ORC2: variants seen among roughly 807,000 people sequenced by gnomAD.
ORC2 encodes the protein origin recognition complex protein 2 homolog.
A neutral mutation model predicts 77.7 loss-of-function variants in ORC2; 37 were observed. The ratio of observed to expected loss-of-function variants is 0.48; its 90% CI spans 0.37 to 0.63. The LOEUF (loss-of-function observed/expected upper bound fraction) is 0.63, where lower values mean the gene tolerates loss of function less well. ORC2 is among the 20% of genes least tolerant of loss of function. The pLI is 0.00. For synonymous variants in ORC2, 201 were observed against 229.5 expected, an observed-to-expected ratio of 0.88 and a Z score of 1.12; for missense variants, 557 against 661.9, an observed-to-expected ratio of 0.84 and a Z score of 1.74.
chr2:200,957,417 C>T lies in ORC2; in HGVS notation c.222G>A (p.Met74Ile). Residue 74 changes from methionine (M) to isoleucine (I), a missense_variant, in exon 4 of 18, where the codon ATG (methionine) becomes ATA (isoleucine). By Grantham distance (10) the Met-to-Ile change is conservative. Coordinates refer to ENST00000234296, the MANE Select transcript of ORC2 (RefSeq NM_006190.5). ...CTCAAATACCTTGAACATCTCTTCC[C>T]ATAATTTCCACATAGTTCTGATCTT... Reference protein sequence around the residue: ...VLKDQNYVEIMGRDVQESLKN... With the variant: ...VLKDQNYVEIIGRDVQESLKN... 1 of 1,594,870 alleles carries T rather than the reference C, an allele frequency of 6.3e-7. No homozygotes were observed. Among genetic ancestry groups the T allele is most frequent in the Non-Finnish European group, 8.5e-7 (1 of 1,171,730 alleles).
Position 200,910,973 on chromosome 2 carries a change from A to C in ORC2, c.*328T>G, listed in dbSNP as rs1022547182. 3 of 187,948 alleles carry C rather than the reference A, an allele frequency of 1.6e-5. No homozygotes were observed. Among genetic ancestry groups the C allele is most frequent in the Middle Eastern group, 2.3e-3 (1 of 426 alleles). The allele number at this position is 187,948 out of a possible 1,614,324, so 11.6% of individuals were successfully genotyped here. On this transcript the variant is annotated 3_prime_UTR_variant, in exon 18 of 18. Coordinates refer to ENST00000234296, the MANE Select transcript of ORC2 (RefSeq NM_006190.5). ...GGGAGTGTTAAAAGGCCCTCAAAAA[A>C]TTCAGAATATCTCTAAGTATAAAAT...
At chr2:200,937,683 TC>T (rs756534336) in intron 8 of ORC2, among the ~76,000 whole-genome samples, 3 of 152,180 alleles carry the variant, frequency 2.0e-5, no homozygotes, top group Non-Finnish European at 4.4e-5. Flanking sequence ...TTCCAAACTG[TC>T]TCAAAACAAT....
chr2:200,923,538 C>T (rs999059895), intron 13 of ORC2, among the ~76,000 whole-genome samples: 3 of 152,104 alleles, frequency 2.0e-5, no homozygotes, highest in Admixed American at 6.6e-5. Flanking sequence ...GTGTGAGCCA[C>T]CGCATCCGGC....
intron 4 of ORC2, among the ~76,000 whole-genome samples, chr2:200,950,690 TAA>T (rs1031834516): frequency 6.6e-6 from 1 of 152,192 alleles, no homozygotes; most frequent in Non-Finnish European, 1.5e-5. Context: ...CCCTCCTCAT[TAA>T]GTTATTGAAA....
At chr2:200,935,915 T>C (rs746769024) in intron 8 of ORC2, 23 bp from the exon 9 acceptor site, 1 of 1,601,948 alleles carries the variant, frequency 6.2e-7, no homozygotes, top group East Asian at 2.3e-5. Context: ...AAATAGCAAT[T>C]TGGACAATTT....
chr2:200,949,188 C>A (rs572081741), intron 5 of ORC2, among the ~76,000 whole-genome samples: 54 of 151,486 alleles, frequency 3.6e-4, no homozygotes, highest in African/African-American at 1.3e-3. Flanking sequence ...TTGCAGTGAG[C>A]CGAGATTGCA....
intron 17 of ORC2, among the ~76,000 whole-genome samples, chr2:200,912,970 A>C (rs530816708): frequency 6.6e-6 from 1 of 152,238 alleles, no homozygotes; most frequent in African/African-American, 2.4e-5. Flanking sequence ...TGCAATATCT[A>C]TGTAGTTAGT....
intron 17 of ORC2, among the ~76,000 whole-genome samples, chr2:200,912,278 G>A (rs1420436820): frequency 6.6e-6 from 1 of 151,990 alleles, no homozygotes; most frequent in African/African-American, 2.4e-5. Context: ...CTTTCCTCTG[G>A]TTTCTTGTCC....
intron 15 of ORC2, among the ~76,000 whole-genome samples, chr2:200,919,807 C>G (rs1415217217): frequency 6.6e-6 from 1 of 152,166 alleles, no homozygotes; most frequent in African/African-American, 2.4e-5. Flanking sequence ...GCTGGCATAT[C>G]TGGATCAAAG....
chr2:200,948,424 A>T (rs545860676), intron 5 of ORC2, among the ~76,000 whole-genome samples: 4 of 152,372 alleles, frequency 2.6e-5, no homozygotes, highest in African/African-American at 9.6e-5. Context: ...TCTGAAAATC[A>T]GCAACTGAAG....
At chr2:200,932,497 G>A (rs1325958148) in intron 10 of ORC2, among the ~76,000 whole-genome samples, 2 of 151,892 alleles carry the variant, frequency 1.3e-5, no homozygotes, top group South Asian at 2.1e-4. Flanking sequence ...GTGCCACCAC[G>A]CCTGGCTAAT....
intron 4 of ORC2, among the ~76,000 whole-genome samples, chr2:200,951,706 CTG>C (rs2041360299): frequency 6.6e-6 from 1 of 152,176 alleles, no homozygotes; most frequent in South Asian, 2.1e-4. Flanking sequence ...CATATGGTAT[CTG>C]TTCAAATACC....
intron 16 of ORC2, chr2:200,913,712 T>C: frequency 7.4e-7 from 1 of 1,358,486 alleles, no homozygotes; most frequent in South Asian, 2.1e-5. Context: ...ATTTTAAAAG[T>C]AAGCTGGGTT....
At chr2:200,958,949 C>T (rs569998007) in intron 2 of ORC2, among the ~76,000 whole-genome samples, 2 of 152,314 alleles carry the variant, frequency 1.3e-5, no homozygotes, top group African/African-American at 4.8e-5. Context: ...TTTCTTTTCT[C>T]TTCTCTCTTT....
At chr2:200,956,214 C>T (rs959697618) in intron 4 of ORC2, among the ~76,000 whole-genome samples, 9 of 151,520 alleles carry the variant, frequency 5.9e-5, no homozygotes, top group African/African-American at 1.7e-4. Context: ...TACAGGCACA[C>T]GCCACCATGC....
intron 2 of ORC2, among the ~76,000 whole-genome samples, chr2:200,958,970 T>C (rs1275965703): frequency 1.3e-5 from 2 of 152,236 alleles, no homozygotes; most frequent in Non-Finnish European, 2.9e-5. Flanking sequence ...CTTACAATCT[T>C]GTTTTCACCT....
Position 200,920,154 on chromosome 2 carries a change from T to C in ORC2, c.1466+68A>G, listed in dbSNP as rs1457374616. On this transcript the variant is annotated intron_variant, in intron 15 of 17. Coordinates refer to ENST00000234296, the MANE Select transcript of ORC2 (RefSeq NM_006190.5). Reference sequence around the variant, plus strand: ...CTAACTAGGGACTTCAGTATCCCCATTAAAACCTAGTAGTACATATCTTAA... The same window carrying C: ...CTAACTAGGGACTTCAGTATCCCCACTAAAACCTAGTAGTACATATCTTAA... 5 of 1,239,860 alleles carry C rather than the reference T, an allele frequency of 4.0e-6. 1 individual carries two copies. The East Asian group carries it at 7.4e-5, about 18-fold the overall frequency. 76.8% of individuals were successfully genotyped at this position (1,239,860 alleles called of 1,614,324 possible). A position where few individuals can be genotyped will look rare whatever the true frequency, so the allele number is the denominator to read the frequency against.
At chr2:200,935,619 G>T in intron 9 of ORC2, 80 bp downstream of exon 9, 1 of 928,248 alleles carries the variant, frequency 1.1e-6, no homozygotes, top group Non-Finnish European at 1.6e-6. Flanking sequence ...TATTTTGAGA[G>T]ATGTGGATCT....
At chr2:200,935,949 G>A in intron 8 of ORC2, 57 bp from the exon 9 acceptor site, 1 of 1,481,470 alleles carries the variant, frequency 6.8e-7, no homozygotes, top group South Asian at 1.2e-5. Flanking sequence ...GAGAGGCATT[G>A]TGGGGTAAAG....
Sources: gnomAD v4.1 joint callset for allele counts (sites outside exome capture counted in the v4.1 genomes callset) on GRCh38, gnomAD v4.1.1 for gene constraint, MANE v1.5 for transcripts, NCBI Gene and HGNC (gene_info 2026-07-23, HGNC 2026-07-21) for gene names.